CYFIP2: variants seen among roughly 807,000 people sequenced by gnomAD.
CYFIP2 encodes cytoplasmic FMR1 interacting protein 2.
A neutral mutation model predicts 158.7 loss-of-function variants in CYFIP2; 29 were observed. The observed-to-expected ratio is 0.18, with a 90% confidence interval of 0.14 to 0.25. The LOEUF (loss-of-function observed/expected upper bound fraction) is 0.25, where lower values mean the gene tolerates loss of function less well. CYFIP2 is among the 10% of genes least tolerant of loss of function. The pLI, the probability that CYFIP2 is intolerant of heterozygous loss-of-function variation, is 1.00. For synonymous variants in CYFIP2, 585 were observed against 617.6 expected (o/e 0.95, Z 0.78); for missense variants, 852 against 1,639.5 (o/e 0.52, Z 8.29).
intron 26 of CYFIP2, chr5:157,362,596 C>T (rs1238238551): frequency 6.6e-6 from 1 of 152,198 alleles, no homozygotes; most frequent in East Asian, 1.9e-4. Flanking sequence ...AAGAGGGTTC[C>T]CTGCTCCATC....
chr5:157,299,245 G>T (rs1032468423), intron 5 of CYFIP2, among the ~76,000 whole-genome samples: 1 of 152,056 alleles, frequency 6.6e-6, no homozygotes, highest in South Asian at 2.1e-4. Flanking sequence ...TGTCTCCCCA[G>T]CTCAAGCATT....
chr5:157,269,675 C>G (rs1187283227), intron 1 of CYFIP2: 5 of 152,204 alleles, frequency 3.3e-5, no homozygotes, highest in African/African-American at 9.7e-5. Context: ...TAAATGCCCT[C>G]CATTCCTTAA....
In CYFIP2 at chr5:157,383,245, C is replaced by T; in HGVS notation, c.3113-20C>T. 1.2e-6 allele frequency: 2 copies of T among 1,610,872 alleles called. No individual in the cohort carries two copies. Among genetic ancestry groups the T allele is most frequent in the Non-Finnish European group, 1.7e-6 (2 of 1,177,832 alleles). The stretch of plus-strand genomic sequence containing the variant: ...TGTGTTCCCTGAGTCTCATTTTCTG[C>T]TCTGCGACTCCTTTTGCAGAGGGGG... On this transcript the variant is annotated intron_variant, in intron 27 of 30. Transcript: ENST00000620254.
chr5:157,330,930 A>G, intron 20 of CYFIP2, 80 bp downstream of exon 20: 1 of 1,116,076 alleles, frequency 9.0e-7, no homozygotes, highest in South Asian at 1.3e-5. Context: ...ATCAGAAATC[A>G]GGCCTGGGTA....
At chr5:157,300,533 CA>C (rs72316432) in intron 5 of CYFIP2, among the ~76,000 whole-genome samples, 181 bp from the exon 6 acceptor site, 95,517 of 121,138 alleles carry the variant, frequency 0.79, 36,820 homozygotes, top group East Asian at 0.98. Flanking sequence ...GACTCCGTCT[CA>C]AAAAAAAAAA....
At chr5:157,346,011 T>C (rs551447083) in intron 23 of CYFIP2, among the ~76,000 whole-genome samples, 5 of 152,288 alleles carry the variant, frequency 3.3e-5, no homozygotes, top group African/African-American at 1.2e-4. Context: ...TTCATCTTCA[T>C]CCCCTCCCAC....
In CYFIP2 at chr5:157,353,492, C is replaced by T. The variant is rs116023161; in HGVS notation, c.2674-5513C>T. 8.5e-3 allele frequency among the ~76,000 whole-genome samples: 1,289 copies of T among 152,308 alleles called. 2 individuals carry two copies. Among genetic ancestry groups the T allele is most frequent in the South Asian group, 0.017 (83 of 4,824 alleles). The stretch of plus-strand genomic sequence containing the variant: ...AGAAGGAACCCAGATGTTGGAGACC[C>T]AGCCCTATGGCCCCCCAAATGTCAA... On this transcript the variant is annotated intron_variant, in intron 23 of 30. Transcript: ENST00000620254.
intron 1 of CYFIP2, among the ~76,000 whole-genome samples, chr5:157,273,062 C>T (rs1756240919): frequency 6.6e-6 from 1 of 152,092 alleles, no homozygotes; most frequent in South Asian, 2.1e-4. Flanking sequence ...AATGGGGTTT[C>T]ACCATGTTGG....
Position 157,393,116 on chromosome 5 carries a change from G to T in CYFIP2, c.*116G>T, listed in dbSNP as rs765053655. 5.5e-5 allele frequency: 68 copies of T among 1,232,378 alleles called. No homozygotes were observed. Among genetic ancestry groups the T allele is most frequent in the Non-Finnish European group, 7.6e-5 (68 of 897,122 alleles). The allele number at this position is 1,232,378 out of a possible 1,614,324, so 76.3% of individuals were successfully genotyped here. A position where few individuals can be genotyped will look rare whatever the true frequency, so the allele number is the denominator to read the frequency against. On this transcript the variant is annotated 3_prime_UTR_variant, in exon 31 of 31. Coordinates refer to ENST00000620254, the MANE Select transcript of CYFIP2 (RefSeq NM_001037333.3). The stretch of plus-strand genomic sequence containing the variant: ...ACGTGTGGGATGGACCTGGAAACAA[G>T]CACCTCCCCAAACACATCACCACTC...
chr5:157,276,194 A>C (rs1457780136), intron 1 of CYFIP2, among the ~76,000 whole-genome samples: 1 of 152,244 alleles, frequency 6.6e-6, no homozygotes, highest in Non-Finnish European at 1.5e-5. Context: ...TTGAATAGAA[A>C]TGCTAAGAGC....
At chr5:157,348,340 A>C (rs974464696) in intron 23 of CYFIP2, among the ~76,000 whole-genome samples, 1 of 152,052 alleles carries the variant, frequency 6.6e-6, no homozygotes, top group Non-Finnish European at 1.5e-5. Context: ...TTGACCTCCC[A>C]AGGCTCAGGA....
Position 157,314,438 on chromosome 5 carries a change from A to C in CYFIP2, c.1205A>C (p.Lys402Thr). The C allele has an allele frequency of 6.2e-7, 1 of 1,613,834 alleles. No individual in the cohort carries two copies. Among genetic ancestry groups the C allele is most frequent in the Non-Finnish European group, 8.5e-7 (1 of 1,179,816 alleles). Residue 402 changes from lysine (K) to threonine (T), a missense_variant, in exon 12 of 31, where the codon AAG (lysine) becomes ACG (threonine). Lys to Thr is a moderately conservative substitution (Grantham distance 78). Coordinates refer to ENST00000620254, the MANE Select transcript of CYFIP2 (RefSeq NM_001037333.3). ...CTGCGGGGTCTGCAGCTTCTATCCAAGTGGAGCGCCCACGTCATGGAGGTG... is the reference window on the plus strand; with the variant it reads ...CTGCGGGGTCTGCAGCTTCTATCCACGTGGAGCGCCCACGTCATGGAGGTG... ...LALRGLQLLS[K>T]WSAHVMEVYS...
At chr5:157,325,356 A>G in intron 16 of CYFIP2, 126 bp from the exon 17 acceptor site, 1 of 1,039,200 alleles carries the variant, frequency 9.6e-7, no homozygotes, top group East Asian at 3.1e-5. Context: ...AGGATCTACT[A>G]ATCAATATTA....
intron 26 of CYFIP2, among the ~76,000 whole-genome samples, chr5:157,370,364 CTTAATT>C (rs1411093062): frequency 6.6e-6 from 1 of 152,138 alleles, no homozygotes; most frequent in African/African-American, 2.4e-5. Flanking sequence ...TTTACTGAAA[CTTAATT>C]TTAAAAGGAA....
In CYFIP2 at chr5:157,309,788, G is replaced by T. The variant is rs1444797400; in HGVS notation, c.946G>T (p.Ala316Ser). 4.4e-6 allele frequency: 7 copies of T among 1,607,746 alleles called. No individual in the cohort carries two copies. Among genetic ancestry groups the T allele is most frequent in the Non-Finnish European group, 5.9e-6 (7 of 1,177,362 alleles). Residue 316 changes from alanine (A) to serine (S), a missense_variant, in exon 10 of 31, where the codon GCC becomes TCC. Around this residue, in one of 8 missense-constraint regions of CYFIP2, gnomAD observed 133 missense variants for 197.1 expected, o/e 0.67. Coordinates refer to ENST00000620254, the MANE Select transcript of CYFIP2 (RefSeq NM_001037333.3). ...TTTCGGCGACATGCAGATAGAGCTG[G>T]CCAGATACATTAAGACCAGTGCTCA... is the stretch of plus-strand genomic sequence containing the variant. ...PLFGDMQIEL[A>S]RYIKTSAHYE... is the part of the protein sequence containing the mutation.
At chr5:157,387,701 A>G (rs912133269) in intron 28 of CYFIP2, among the ~76,000 whole-genome samples, 7 of 150,828 alleles carry the variant, frequency 4.6e-5, no homozygotes, top group African/African-American at 1.7e-4. Flanking sequence ...AACACAAGAG[A>G]TATTTTTAGC....
chr5:157,333,587 G>T, intron 21 of CYFIP2, 141 bp downstream of exon 21: 1 of 1,219,000 alleles, frequency 8.2e-7, no homozygotes, highest in Non-Finnish European at 1.2e-6. Flanking sequence ...AGCTGGGAAA[G>T]AAAAACTTAC....
rs758726132 is a variant in CYFIP2 at position 157,315,030 on chromosome 5, C to T, written c.1292C>T (p.Ala431Val). ...TGCAACAAGGACTGTCCTGGCACCG[C>T]GGAGGAATATGAGAGAGCCACACGC... ...KFCNKDCPGTAEEYERATRYN... is the reference protein window; with the variant it reads ...KFCNKDCPGTVEEYERATRYN... The change falls in exon 13 of 31, where the codon GCG becomes GTG. Residue 431 changes from alanine (A) to valine (V), a missense_variant. Coordinates refer to ENST00000620254, the MANE Select transcript of CYFIP2 (RefSeq NM_001037333.3). 5.6e-6 allele frequency: 9 copies of T among 1,610,336 alleles called. No homozygotes were observed. Among genetic ancestry groups the T allele is most frequent in the Admixed American group, 1.7e-5 (1 of 59,456 alleles).
intron 3 of CYFIP2, among the ~76,000 whole-genome samples, chr5:157,288,911 G>A (rs936603845): frequency 6.6e-6 from 1 of 152,228 alleles, no homozygotes; most frequent in African/African-American, 2.4e-5. Flanking sequence ...AAAGCTTGAT[G>A]TAGGAAGTGG....
Sources: allele counts gnomAD v4.1 joint callset (sites outside exome capture counted in the v4.1 genomes callset), GRCh38; gene constraint gnomAD v4.1.1; regional missense constraint gnomAD v4.1.1; transcripts MANE v1.5; gene names NCBI Gene and HGNC (gene_info 2026-07-23, HGNC 2026-07-21).